DRC11: variants seen among roughly 807,000 people sequenced by gnomAD.
The protein encoded by DRC11 is dynein regulatory complex subunit 11.
chr2:236,373,200 A>T, the DRC11 span, among the ~76,000 whole-genome samples: 1 of 145,846 alleles, frequency 6.9e-6, no homozygotes, highest in African/African-American at 2.5e-5. Context: ...TCTGGGTTTT[A>T]CTCTTTCTAT....
the DRC11 span, among the ~76,000 whole-genome samples, chr2:236,313,167 T>C: frequency 6.6e-6 from 1 of 152,166 alleles, no homozygotes; most frequent in African/African-American, 2.4e-5. This position sits in a 1 kb window ranked among gnomAD's most constrained non-coding sequence, Gnocchi z 4.5. Context: ...ACTGATTTTA[T>C]GAGGTCTTGA....
At chr2:236,338,700 T>C in the DRC11 span, among the ~76,000 whole-genome samples, 4 of 152,256 alleles carry the variant, frequency 2.6e-5, no homozygotes, top group South Asian at 8.3e-4. Context: ...CACTCGGACC[T>C]GTAATGAGCT....
the DRC11 span, among the ~76,000 whole-genome samples, chr2:236,488,925 G>T: frequency 1.3e-5 from 2 of 151,856 alleles, no homozygotes; most frequent in Non-Finnish European, 2.9e-5. Context: ...TGGGCTCTGG[G>T]TGCAGGTGAG....
chr2:236,451,602 C>G, the DRC11 span, among the ~76,000 whole-genome samples: 1 of 152,034 alleles, frequency 6.6e-6, no homozygotes, highest in East Asian at 1.9e-4. Context: ...TATCAAATGC[C>G]TTTTATGTAT....
At chr2:236,372,187 T>C in the DRC11 span, among the ~76,000 whole-genome samples, 1 of 152,170 alleles carries the variant, frequency 6.6e-6, no homozygotes, top group Non-Finnish European at 1.5e-5. This position sits in a 1 kb window ranked among gnomAD's most constrained non-coding sequence, Gnocchi z 4.5. Flanking sequence ...TATACTGACT[T>C]CAGAAACAAA....
chr2:236,486,981 G>A, the DRC11 span: 1 of 1,030,240 alleles, frequency 9.7e-7, no homozygotes, highest in East Asian at 2.6e-5. The surrounding 1 kb of genome is among the most constrained non-coding windows in gnomAD (Gnocchi z 5.7). Context: ...CATATAAACT[G>A]CACATCTCAA....
At chr2:236,313,914 T>A in the DRC11 span, among the ~76,000 whole-genome samples, 1 of 151,498 alleles carries the variant, frequency 6.6e-6, no homozygotes, top group Non-Finnish European at 1.5e-5. This position sits in a 1 kb window ranked among gnomAD's most constrained non-coding sequence, Gnocchi z 4.5. Flanking sequence ...GGAAGAGGAG[T>A]AGGAGGGAAG....
chr2:236,491,231 A>ACAG, the DRC11 span, among the ~76,000 whole-genome samples: 20 of 69,542 alleles, frequency 2.9e-4, no homozygotes, highest in Non-Finnish European at 6.0e-4. Context: ...ATATATATAT[A>ACAG]TATATATATA....
chr2:236,434,248 A>ATG, the DRC11 span, among the ~76,000 whole-genome samples: 1 of 152,162 alleles, frequency 6.6e-6, no homozygotes, highest in Non-Finnish European at 1.5e-5. The surrounding 1 kb of genome is among the most constrained non-coding windows in gnomAD (Gnocchi z 5.5). Flanking sequence ...TTTTGATTCA[A>ATG]TGTTATGCTC....
At chr2:236,384,974 T>C in the DRC11 span, among the ~76,000 whole-genome samples, 2 of 152,084 alleles carry the variant, frequency 1.3e-5, no homozygotes, top group South Asian at 2.1e-4. Flanking sequence ...TAGTTGTAGA[T>C]ATTTGGCGTT....
At chr2:236,486,807 C>T in the DRC11 span, 1 of 1,527,026 alleles carries the variant, frequency 6.5e-7, no homozygotes, top group Non-Finnish European at 9.0e-7. This position sits in a 1 kb window ranked among gnomAD's most constrained non-coding sequence, Gnocchi z 5.7. Context: ...AAACCAGATG[C>T]TATCTCTTAA....
the DRC11 span, among the ~76,000 whole-genome samples, chr2:236,484,891 G>A: frequency 2.6e-5 from 4 of 152,184 alleles, no homozygotes; most frequent in Non-Finnish European, 4.4e-5. Flanking sequence ...CCTCCTTCCC[G>A]ACCTGCGTCG....
chr2:236,480,022 G>GT, the DRC11 span, among the ~76,000 whole-genome samples: 13,566 of 135,290 alleles, frequency 0.1, 914 homozygotes, highest in African/African-American at 0.2. Context: ...TGGTTGACAG[G>GT]TTTTTTTTTT....
the DRC11 span, among the ~76,000 whole-genome samples, chr2:236,416,524 A>C: frequency 6.6e-6 from 1 of 151,286 alleles, no homozygotes; most frequent in Non-Finnish European, 1.5e-5. Flanking sequence ...TCTTTTGTTC[A>C]TTCAGTGAAC....
chr2:236,493,001 C>T, the DRC11 span, among the ~76,000 whole-genome samples: 26 of 152,282 alleles, frequency 1.7e-4, 1 homozygote, highest in East Asian at 1.2e-3. Context: ...TGTATTAGTC[C>T]GTTTTCACAC....
At chr2:236,409,058 GA>G in the DRC11 span, 1 of 575,962 alleles carries the variant, frequency 1.7e-6, no homozygotes, top group Non-Finnish European at 3.1e-6. Flanking sequence ...TCTGGGAGTG[GA>G]GGACTTCTTG....
chr2:236,435,001 G>C, the DRC11 span, among the ~76,000 whole-genome samples: 1 of 152,328 alleles, frequency 6.6e-6, no homozygotes, highest in East Asian at 1.9e-4. Context: ...ATGGAATTCA[G>C]TGAAGGAGGG....
At chr2:236,437,132 C>T in the DRC11 span, among the ~76,000 whole-genome samples, 1 of 141,042 alleles carries the variant, frequency 7.1e-6, no homozygotes, top group Non-Finnish European at 1.5e-5. Context: ...TGATGTTCCC[C>T]TTCCTCTGTC....
chr2:236,448,089 TA>T, the DRC11 span, among the ~76,000 whole-genome samples: 1 of 152,218 alleles, frequency 6.6e-6, no homozygotes, highest in African/African-American at 2.4e-5. The surrounding 1 kb of genome is among the most constrained non-coding windows in gnomAD (Gnocchi z 5.3). Context: ...GATTTTGTGT[TA>T]AAATTGTTTT....
Sources: gnomAD v4.1 joint callset for allele counts (sites outside exome capture counted in the v4.1 genomes callset) on GRCh38, gnomAD v4.1.1 for gene constraint, Gnocchi (gnomAD v3.1) non-coding constraint, MANE v1.5 for transcripts, NCBI Gene and HGNC (gene_info 2026-07-23, HGNC 2026-07-21) for gene names.